The following ANKRD27 variants were observed in gnomAD, a reference collection of about 807,000 sequenced individuals.
ANKRD27 encodes the protein ankyrin repeat domain 27, also known as ankyrin repeat domain-containing protein 27.
A neutral mutation model predicts 129.7 loss-of-function variants in ANKRD27; 112 were observed. That is an observed-to-expected ratio of 0.86 (90% confidence interval 0.74 to 1.01). The LOEUF (loss-of-function observed/expected upper bound fraction) is 1.01, where lower values mean the gene tolerates loss of function less well. Among genes scored for constraint, ANKRD27 ranks in the 50% least tolerant of loss-of-function variants. The pLI is 0.00. For missense variants in ANKRD27, 1,258 were observed against 1,300.5 expected, an observed-to-expected ratio of 0.97 and a Z score of 0.50; for synonymous variants, 516 against 511.2, an observed-to-expected ratio of 1.01 and a Z score of -0.13.
intron 17 of ANKRD27, among the ~76,000 whole-genome samples, chr19:32,623,259 G>A (rs563365390): frequency 1.2e-4 from 19 of 152,294 alleles, no homozygotes; most frequent in African/African-American, 3.8e-4. Context: ...CATTCTATGG[G>A]TGCCTGGATG....
At chr19:32,644,154 C>T (rs901962821) in intron 5 of ANKRD27, among the ~76,000 whole-genome samples, 171 bp downstream of exon 5, 1 of 152,120 alleles carries the variant, frequency 6.6e-6, no homozygotes, top group Non-Finnish European at 1.5e-5. Context: ...GGAAGACAGG[C>T]TTGTACCACC....
chr19:32,671,250 T>G (rs969887028), intron 1 of ANKRD27, among the ~76,000 whole-genome samples: 4 of 151,686 alleles, frequency 2.6e-5, no homozygotes, highest in Non-Finnish European at 4.4e-5. Flanking sequence ...ACTGCACCAC[T>G]GCACTCTAGC....
At chr19:32,652,977 C>T (rs558722754) in intron 2 of ANKRD27, among the ~76,000 whole-genome samples, 1 of 152,258 alleles carries the variant, frequency 6.6e-6, no homozygotes, top group African/African-American at 2.4e-5. Flanking sequence ...AAGAATCTGC[C>T]TGAGTGGCAC....
At chr19:32,651,005 A>G (rs777205097) in intron 2 of ANKRD27, among the ~76,000 whole-genome samples, 7 of 152,026 alleles carry the variant, frequency 4.6e-5, no homozygotes, top group Non-Finnish European at 1.0e-4. Context: ...TTGGCCTCCC[A>G]AAGTGCTGGG....
intron 23 of ANKRD27, among the ~76,000 whole-genome samples, chr19:32,606,335 G>A (rs1599733875): frequency 6.6e-6 from 1 of 151,950 alleles, no homozygotes; most frequent in Non-Finnish European, 1.5e-5. Flanking sequence ...TGTATTTTCA[G>A]TAGAGACGGG....
At chr19:32,628,928 T>C in intron 13 of ANKRD27, 79 bp from the exon 14 acceptor site, 2 of 1,551,484 alleles carry the variant, frequency 1.3e-6, no homozygotes, top group Non-Finnish European at 1.8e-6. Context: ...AGAGTCCTTT[T>C]TGGTTTTTTT....
intron 2 of ANKRD27, among the ~76,000 whole-genome samples, chr19:32,655,660 C>T (rs762075398): frequency 2.9e-4 from 44 of 152,084 alleles, no homozygotes; most frequent in Non-Finnish European, 1.5e-4. Flanking sequence ...GCAGGAGGAT[C>T]GCCTGAGGTC....
chr19:32,662,494 T>C (rs557107047), intron 1 of ANKRD27, among the ~76,000 whole-genome samples: 290 of 152,078 alleles, frequency 1.9e-3, no homozygotes, highest in African/African-American at 6.6e-3. Context: ...CCCAGCACCT[T>C]GGGAGGCCAA....
At chr19:32,618,048 A>C (rs1186776820) in intron 20 of ANKRD27, among the ~76,000 whole-genome samples, 1 of 152,022 alleles carries the variant, frequency 6.6e-6, no homozygotes, top group African/African-American at 2.4e-5. Context: ...GTGAGCCACC[A>C]CGCCCGGCTG....
chr19:32,629,682 A>AGAGT (rs1188481269), intron 13 of ANKRD27, among the ~76,000 whole-genome samples: 1 of 152,068 alleles, frequency 6.6e-6, no homozygotes, highest in Non-Finnish European at 1.5e-5. Context: ...CCTGGGTGAC[A>AGAGT]GAGTGAGACT....
At chr19:32,632,375 C>T (rs1314712756) in intron 12 of ANKRD27, among the ~76,000 whole-genome samples, 2 of 152,104 alleles carry the variant, frequency 1.3e-5, no homozygotes, top group African/African-American at 4.8e-5. Flanking sequence ...CACTTGAGGT[C>T]AGGAGTTTGA....
At chr19:32,615,186 C>T (rs1971896719) in intron 22 of ANKRD27, among the ~76,000 whole-genome samples, 1 of 152,234 alleles carries the variant, frequency 6.6e-6, no homozygotes, top group African/African-American at 2.4e-5. Flanking sequence ...CTGGCACCCG[C>T]CCTAGGCTAA....
Position 32,634,886 on chromosome 19 carries a change from G to A in ANKRD27, c.1117-3392C>T, listed in dbSNP as rs541262656. 9.6e-4 allele frequency among the ~76,000 whole-genome samples: 146 copies of A among 152,186 alleles called. 1 individual carries two copies. Among genetic ancestry groups the A allele is most frequent in the South Asian group, 2.1e-3 (10 of 4,824 alleles). ...GCTGAGATTGCACCACTGCACTCCC[G>A]TCTGGGTGACAGAGCGAGACTCAGT... On this transcript the variant is annotated intron_variant, in intron 12 of 28. Transcript: ENST00000306065.
rs371916175 is a variant in ANKRD27 at position 32,607,646 on chromosome 19, C to T, written c.2362G>A (p.Gly788Ser). ...AVPLHLACQQ[G>S]HFQVVKCLLD... ...CACACAGCCCGAACCTGAAAGTGGC[C>T]CTGCTGGCAGGCCAGGTGGAGCGGG... The change falls in exon 23 of 29, where the codon GGC (glycine) becomes AGC (serine). Residue 788 changes from glycine to serine, a missense_variant. By Grantham distance (56) the Gly-to-Ser change is moderately conservative. Transcript: ENST00000306065. 1 of 1,611,468 alleles carries T rather than the reference C, an allele frequency of 6.2e-7. No individual in the cohort carries two copies. Among genetic ancestry groups the T allele is most frequent in the East Asian group, 2.2e-5 (1 of 44,870 alleles).
intron 14 of ANKRD27, 45 bp from the exon 15 acceptor site, chr19:32,628,210 A>G (rs1293023449): frequency 6.5e-7 from 1 of 1,547,324 alleles, no homozygotes; most frequent in Non-Finnish European, 8.9e-7. Flanking sequence ...GGAATGGCAC[A>G]GCAAAGCCTC....
chr19:32,598,064 G>T lies in ANKRD27; in HGVS notation c.*81C>A. 7.7e-7 allele frequency: 1 copy of T among 1,292,512 alleles called. No individual in the cohort carries two copies. Among genetic ancestry groups the T allele is most frequent in the Non-Finnish European group, 1.1e-6 (1 of 898,744 alleles). The allele number at this position is 1,292,512 out of a possible 1,614,324, so 80.1% of individuals were successfully genotyped here. ...AGCCAGTCTCATGGAAGCACATTTAGTTCTCAGATGTGTTCACGCTCAGCA... is the reference window on the plus strand; with the variant it reads ...AGCCAGTCTCATGGAAGCACATTTATTTCTCAGATGTGTTCACGCTCAGCA... On this transcript the variant is annotated 3_prime_UTR_variant, in exon 29 of 29. Coordinates refer to ENST00000306065, the MANE Select transcript of ANKRD27 (RefSeq NM_032139.3).
chr19:32,638,544 A>G (rs1041360545), intron 12 of ANKRD27: 3 of 152,336 alleles, frequency 2.0e-5, no homozygotes, highest in East Asian at 1.9e-4. Context: ...GACTCACTAC[A>G]TTGCAGGTGA....
chr19:32,662,990 C>T (rs1056605162), intron 1 of ANKRD27, among the ~76,000 whole-genome samples: 2 of 152,020 alleles, frequency 1.3e-5, no homozygotes, highest in Non-Finnish European at 2.9e-5. Context: ...TGCAGTGAGC[C>T]GAGATCACGC....
At chr19:32,601,538 G>A (rs1454543117) in intron 26 of ANKRD27, among the ~76,000 whole-genome samples, 3 of 148,990 alleles carry the variant, frequency 2.0e-5, no homozygotes. Context: ...CGTGAACCCA[G>A]GAGGCAGAGC....
Sources: gnomAD v4.1 joint callset for allele counts (sites outside exome capture counted in the v4.1 genomes callset) on GRCh38, gnomAD v4.1.1 for gene constraint, MANE v1.5 for transcripts, NCBI Gene and HGNC (gene_info 2026-07-23, HGNC 2026-07-21) for gene names.